Variants in PDE10A observed in about 807,000 individuals in gnomAD.
PDE10A encodes the protein phosphodiesterase 10A.
PDE10A carries 39 observed loss-of-function variants against 97.7 expected under a neutral mutation model. The observed-to-expected ratio is 0.40, with a 90% CI of 0.31 to 0.52. The LOEUF is 0.52. Ranked by LOEUF, PDE10A falls within the 20% of genes least tolerant of loss-of-function variation. The pLI, the probability that PDE10A is intolerant of heterozygous loss-of-function variation, is 0.56. For missense variants in PDE10A, 731 were observed against 1,047.8 expected, an observed-to-expected ratio of 0.70 and a Z score of 4.17; for synonymous variants, 371 against 376.8, an observed-to-expected ratio of 0.98 and a Z score of 0.18.
At chr6:165,615,067 G>A (rs368104026) in intron 1 of PDE10A, among the ~76,000 whole-genome samples, 64 of 151,858 alleles carry the variant, frequency 4.2e-4, no homozygotes, top group East Asian at 2.7e-3. Flanking sequence ...AAAATTAGCC[G>A]AGTACAGTGG....
chr6:165,919,036 T>C (rs369756488), intron 1 of PDE10A, among the ~76,000 whole-genome samples: 2 of 152,328 alleles, frequency 1.3e-5, no homozygotes, highest in African/African-American at 4.8e-5. Context: ...AAGCTGATTC[T>C]ATTCTTGAAT....
chr6:165,466,009 C>T (rs996207130), intron 3 of PDE10A, among the ~76,000 whole-genome samples: 1 of 152,166 alleles, frequency 6.6e-6, no homozygotes, highest in Non-Finnish European at 1.5e-5. Flanking sequence ...ACGATCATGG[C>T]TGATTATCAG....
intron 1 of PDE10A, among the ~76,000 whole-genome samples, chr6:165,565,947 A>C (rs1343379388): frequency 6.6e-6 from 1 of 152,208 alleles, no homozygotes; most frequent in Admixed American, 6.5e-5. Flanking sequence ...TGGATCATAG[A>C]CTTAAATGTA....
intron 1 of PDE10A, among the ~76,000 whole-genome samples, chr6:165,672,383 A>C (rs1790671491): frequency 6.6e-6 from 1 of 152,256 alleles, no homozygotes; most frequent in Non-Finnish European, 1.5e-5. Context: ...AAATGTGCTG[A>C]GAACATTACA....
intron 1 of PDE10A, among the ~76,000 whole-genome samples, chr6:165,979,531 T>C (rs1441398185): frequency 6.6e-6 from 1 of 152,234 alleles, no homozygotes; most frequent in Non-Finnish European, 1.5e-5. Context: ...AATATTATAG[T>C]TTCTATTAAA....
At chr6:165,729,055 A>T (rs1232980291) in intron 1 of PDE10A, among the ~76,000 whole-genome samples, 1 of 152,106 alleles carries the variant, frequency 6.6e-6, no homozygotes, top group Non-Finnish European at 1.5e-5. Flanking sequence ...AAAAAACATT[A>T]GTGTGGAGTG....
chr6:165,553,644 T>C (rs143962891), intron 1 of PDE10A, among the ~76,000 whole-genome samples: 1 of 152,152 alleles, frequency 6.6e-6, no homozygotes, highest in Non-Finnish European at 1.5e-5. Flanking sequence ...GCCTAAGGGG[T>C]GCCTTAGCTG....
chr6:165,629,658 C>T (rs1014333760), intron 1 of PDE10A, among the ~76,000 whole-genome samples: 3 of 151,754 alleles, frequency 2.0e-5, no homozygotes, highest in Non-Finnish European at 4.4e-5. Flanking sequence ...CCCAGCCTCC[C>T]GAGTAGTTAG....
At chr6:165,964,055 A>G (rs1375585146) in intron 1 of PDE10A, among the ~76,000 whole-genome samples, 1 of 152,242 alleles carries the variant, frequency 6.6e-6, no homozygotes, top group Non-Finnish European at 1.5e-5. Flanking sequence ...ACAGATGTAA[A>G]GGTTTCTCTC....
At chr6:165,569,359 A>G (rs1784938966) in intron 1 of PDE10A, among the ~76,000 whole-genome samples, 1 of 152,258 alleles carries the variant, frequency 6.6e-6, no homozygotes, top group African/African-American at 2.4e-5. Flanking sequence ...TGGGTTCCAC[A>G]TGAAGAAATG....
At chr6:165,846,166 G>T (rs1780412904) in intron 1 of PDE10A, among the ~76,000 whole-genome samples, 1 of 152,182 alleles carries the variant, frequency 6.6e-6, no homozygotes, top group African/African-American at 2.4e-5. Context: ...ATGCCCCCAT[G>T]CAGATCAGAC....
At chr6:165,425,607 T>C (rs919007373) in intron 10 of PDE10A, among the ~76,000 whole-genome samples, 16 of 152,162 alleles carry the variant, frequency 1.1e-4, no homozygotes, top group Non-Finnish European at 2.1e-4. Flanking sequence ...TAAATGCTTC[T>C]TCCTTGAGAT....
At chr6:165,559,012 A>G (rs2128336198) in intron 1 of PDE10A, among the ~76,000 whole-genome samples, 1 of 151,838 alleles carries the variant, frequency 6.6e-6, no homozygotes, top group South Asian at 2.1e-4. Flanking sequence ...AAAAAAAATT[A>G]AAATTCTCTT....
chr6:165,463,222 T>C (rs994552443), intron 3 of PDE10A, among the ~76,000 whole-genome samples: 2 of 152,202 alleles, frequency 1.3e-5, no homozygotes, highest in South Asian at 2.1e-4. Flanking sequence ...TCTGGAACCA[T>C]GGTGGTATAG....
chr6:165,465,402 G>C (rs1284126750), intron 3 of PDE10A, among the ~76,000 whole-genome samples: 1 of 152,150 alleles, frequency 6.6e-6, no homozygotes, highest in Non-Finnish European at 1.5e-5. Context: ...TAGCACTATG[G>C]GGAAAAGAGA....
chr6:165,843,324 A>T (rs1049807018), intron 1 of PDE10A, among the ~76,000 whole-genome samples: 7 of 147,804 alleles, frequency 4.7e-5, no homozygotes, highest in Non-Finnish European at 7.4e-5. Context: ...CCCAGAGCAG[A>T]CACACACACA....
chr6:165,894,048 G>A lies in PDE10A; in HGVS notation c.-615+93481C>T, dbSNP rs542177656. ...TTGTCTCCCCTCGTTGCTCCTCCTG[G>A]CATGTCCATCAAGGACCAACTGTGC... On this transcript the variant is annotated intron_variant, in intron 1 of 19. Transcript: ENST00000366882. Among the ~76,000 whole-genome samples, 17 of 152,202 alleles carry A rather than the reference G, an allele frequency of 1.1e-4. No individual in the cohort carries two copies. In the South Asian group the frequency reaches 2.1e-3, roughly 19 times the overall value.
At chr6:165,369,452 T>C (rs1784061737) in intron 18 of PDE10A, among the ~76,000 whole-genome samples, 1 of 151,094 alleles carries the variant, frequency 6.6e-6, no homozygotes, top group African/African-American at 2.4e-5. Context: ...CAGGAGCTGA[T>C]GCGATCAACT....
intron 1 of PDE10A, among the ~76,000 whole-genome samples, chr6:165,561,556 G>C (rs1042153410): frequency 6.6e-6 from 1 of 152,172 alleles, no homozygotes; most frequent in Non-Finnish European, 1.5e-5. Flanking sequence ...ATTTATTGCT[G>C]TTGCTGTAAA....
Sources: allele counts gnomAD v4.1 joint callset (sites outside exome capture counted in the v4.1 genomes callset), GRCh38; gene constraint gnomAD v4.1.1; transcripts MANE v1.5; gene names NCBI Gene and HGNC (gene_info 2026-07-23, HGNC 2026-07-21).